KDM4C: variants seen among roughly 807,000 people sequenced by gnomAD.
The protein encoded by KDM4C is lysine demethylase 4C.
Under a neutral mutation model 129.3 loss-of-function variants are expected in KDM4C, and 81 were observed. That is an observed-to-expected ratio of 0.63 (90% CI 0.52 to 0.75). KDM4C has a LOEUF of 0.75. KDM4C is among the 30% of genes least tolerant of loss of function. The probability of loss-of-function intolerance (pLI) is 0.00; values close to 1 mark genes in which losing one functional copy is unlikely to be tolerated. For missense variants in KDM4C, 1,457 were observed against 1,304.0 expected, an observed-to-expected ratio of 1.12 and a Z score of -1.81; for synonymous variants, 573 against 456.1, an observed-to-expected ratio of 1.26 and a Z score of -3.26.
intron 5 of KDM4C, among the ~76,000 whole-genome samples, chr9:6,853,952 C>G (rs1291699799): frequency 6.6e-6 from 1 of 152,120 alleles, no homozygotes; most frequent in Non-Finnish European, 1.5e-5. Context: ...CAGGTATATA[C>G]TGTGTATAAA....
At chr9:6,743,985 C>G (rs975399508) in intron 1 of KDM4C, among the ~76,000 whole-genome samples, 1 of 151,302 alleles carries the variant, frequency 6.6e-6, no homozygotes, top group Non-Finnish European at 1.5e-5. Context: ...TGGGCTCAAA[C>G]AATCCTCCCA....
chr9:7,170,440 A>C, intron 21 of KDM4C: 1 of 987,442 alleles, frequency 1.0e-6, no homozygotes, highest in Non-Finnish European at 1.2e-6. Context: ...GGAATACTAA[A>C]GCAGTTTTTT....
At chr9:6,865,008 C>CTTTTTTTTTTTTTT (rs777981928) in intron 5 of KDM4C, among the ~76,000 whole-genome samples, 1 of 126,584 alleles carries the variant, frequency 7.9e-6, no homozygotes. Context: ...AAATTTCTTT[C>CTTTTTTTTTTTTTT]TTTTTTTTTT....
upstream of KDM4C, among the ~76,000 whole-genome samples, chr9:6,753,868 CTTTTTTTTTTT>C (rs869158656): frequency 6.2e-5 from 5 of 80,374 alleles, no homozygotes; most frequent in Middle Eastern, 0.023. Flanking sequence ...TCATTGAATT[CTTTTTTTTTTT>C]TTTTTTTTTT....
At position 7,102,258 on chromosome 9, in the gene KDM4C, A is replaced by C. The variant is rs1004312483; in HGVS notation, c.2425-1427A>C. 3.3e-5 allele frequency among the ~76,000 whole-genome samples: 5 copies of C among 150,250 alleles called. No individual in the cohort carries two copies. In the South Asian group the frequency reaches 6.4e-4, roughly 19 times the overall value. On this transcript the variant is annotated intron_variant, in intron 17 of 21. Transcript: ENST00000381309. ...TGGGGACTAGTGAGAAGTAACACTT[A>C]GACCATGAAGGGCCTTTTACAAACT...
At chr9:6,836,556 C>T (rs1419501338) in intron 4 of KDM4C, among the ~76,000 whole-genome samples, 1 of 152,148 alleles carries the variant, frequency 6.6e-6, no homozygotes, top group Non-Finnish European at 1.5e-5. Context: ...CCTGCTATGC[C>T]ACCCCCATCA....
rs138419344 is a variant in KDM4C, at chr9:6,751,221, G to A, written c.49+30224G>A. ...AGCACTTTGGGAGGCTGAGGCTGGC[G>A]GATTGCTTGAGCTCATGAGTTAGAG... On this transcript the variant is annotated intron_variant, in intron 1 of 17. Coordinates refer to the KDM4C transcript ENST00000536108. Among the ~76,000 whole-genome samples the A allele has an allele frequency of 3.4e-3, 519 of 152,222 alleles. 2 individuals carry two copies. The highest frequency in any genetic ancestry group is 0.012 in the African/African-American group (489 of 41,532).
intron 4 of KDM4C, among the ~76,000 whole-genome samples, chr9:6,824,952 T>C (rs947245617): frequency 1.3e-5 from 2 of 152,026 alleles, no homozygotes; most frequent in African/African-American, 4.8e-5. Context: ...GAGACCAGCC[T>C]GGCCAACATG....
At chr9:6,799,970 C>T (rs772049200) in intron 2 of KDM4C, among the ~76,000 whole-genome samples, 4 of 151,946 alleles carry the variant, frequency 2.6e-5, no homozygotes, top group Non-Finnish European at 5.9e-5. Flanking sequence ...CGCCTGTAGT[C>T]CCAGCACTTT....
intron 8 of KDM4C, among the ~76,000 whole-genome samples, chr9:6,977,547 A>T (rs753160080): frequency 6.6e-5 from 10 of 152,164 alleles, no homozygotes; most frequent in Non-Finnish European, 1.5e-4. Flanking sequence ...GTGGAGAATG[A>T]AGAAGTCACA....
chr9:7,052,931 G>A (rs1830411244), intron 17 of KDM4C, among the ~76,000 whole-genome samples: 1 of 116,468 alleles, frequency 8.6e-6, no homozygotes, highest in Non-Finnish European at 1.7e-5. Context: ...TGACAATAGA[G>A]CATCGAAAGT....
intron 15 of KDM4C, among the ~76,000 whole-genome samples, chr9:7,033,577 G>C (rs936299682): frequency 6.6e-6 from 1 of 152,198 alleles, no homozygotes; most frequent in African/African-American, 2.4e-5. Flanking sequence ...AAGCCGTCCT[G>C]TTAGGGAACT....
intron 15 of KDM4C, among the ~76,000 whole-genome samples, chr9:7,035,201 A>T (rs1226681510): frequency 2.0e-5 from 3 of 150,078 alleles, no homozygotes; most frequent in Non-Finnish European, 4.4e-5. Flanking sequence ...TTTAGTAGAG[A>T]TGAGGTTTTG....
At chr9:7,035,986 C>T (rs1008514378) in intron 15 of KDM4C, among the ~76,000 whole-genome samples, 1 of 152,040 alleles carries the variant, frequency 6.6e-6, no homozygotes, top group African/African-American at 2.4e-5. Context: ...TGGTTCCATA[C>T]AAATGTTAGG....
intron 15 of KDM4C, among the ~76,000 whole-genome samples, chr9:7,017,910 C>A (rs1717248113): frequency 1.3e-5 from 2 of 152,268 alleles, no homozygotes; most frequent in African/African-American, 4.8e-5. Flanking sequence ...TTATTGCTGG[C>A]ATTCACTTTG....
upstream of KDM4C, among the ~76,000 whole-genome samples, chr9:6,755,531 G>A (rs1268010577): frequency 1.3e-5 from 2 of 152,190 alleles, no homozygotes; most frequent in East Asian, 3.8e-4. Context: ...CTGGGCAACA[G>A]AGTAAGACTC....
chr9:6,724,982 T>G (rs1000230435), intron 1 of KDM4C, among the ~76,000 whole-genome samples: 1 of 152,194 alleles, frequency 6.6e-6, no homozygotes, highest in African/African-American at 2.4e-5. Context: ...CCAGAGGCTC[T>G]GGGGGAGGAT....
At chr9:6,854,904 C>T (rs1839526015) in intron 5 of KDM4C, among the ~76,000 whole-genome samples, 1 of 152,074 alleles carries the variant, frequency 6.6e-6, no homozygotes, top group African/African-American at 2.4e-5. Flanking sequence ...AGCATGTGAC[C>T]TTGGGCAATT....
chr9:7,017,622 C>G (rs1258592184), intron 15 of KDM4C, among the ~76,000 whole-genome samples: 3 of 152,180 alleles, frequency 2.0e-5, no homozygotes, highest in Non-Finnish European at 4.4e-5. Context: ...CAAGAGGAAT[C>G]AGAACATTCT....
Sources: gnomAD v4.1 joint callset for allele counts (sites outside exome capture counted in the v4.1 genomes callset) on GRCh38, gnomAD v4.1.1 for gene constraint, MANE v1.5 for transcripts, NCBI Gene and HGNC (gene_info 2026-07-23, HGNC 2026-07-21) for gene names.